Variants in PCDH17 observed in about 807,000 individuals in gnomAD.
PCDH17 encodes protocadherin-17.
A neutral mutation model predicts 67.7 loss-of-function variants in PCDH17; 21 were observed. The ratio of observed to expected loss-of-function variants is 0.31; its 90% CI spans 0.22 to 0.45. The LOEUF (loss-of-function observed/expected upper bound fraction) is 0.45. PCDH17 is among the 20% of genes least tolerant of loss of function. PCDH17 has a pLI of 1.00. For missense variants in PCDH17, 1,471 were observed against 1,564.8 expected (o/e 0.94, Z 1.01); for synonymous variants, 701 against 656.7 (o/e 1.07, Z -1.03).
chr13:57,725,587 A>G lies in PCDH17; in HGVS notation c.*293A>G. The G allele has an allele frequency of 6.2e-6, 2 of 322,956 alleles. No individual in the cohort carries two copies. Among genetic ancestry groups the G allele is most frequent in the Non-Finnish European group, 1.1e-5 (2 of 175,734 alleles). 20.0% of individuals were successfully genotyped at this position (322,956 alleles called of 1,614,324 possible). A position where few individuals can be genotyped will look rare whatever the true frequency, so the allele number is the denominator to read the frequency against. On this transcript the variant is annotated 3_prime_UTR_variant, in exon 4 of 4. Coordinates refer to ENST00000377918, the MANE Select transcript of PCDH17 (RefSeq NM_001040429.3). ...GGAGAGATGAAAAAGGAGGATGAGG[A>G]GAAGAATTACCTTTTGACAATCTGT...
intron 3 of PCDH17, among the ~76,000 whole-genome samples, chr13:57,707,296 A>C (rs1955729531): frequency 6.6e-6 from 1 of 151,528 alleles, no homozygotes; most frequent in East Asian, 2.0e-4. Context: ...GTATGTCATA[A>C]AAAAACTTTC....
intron 3 of PCDH17, among the ~76,000 whole-genome samples, chr13:57,675,810 A>G (rs1233102685): frequency 2.0e-5 from 3 of 151,912 alleles, no homozygotes; most frequent in Admixed American, 1.3e-4. Flanking sequence ...AACATTGCAA[A>G]CTTGCATTTT....
At chr13:57,705,691 T>C (rs928793831) in intron 3 of PCDH17, among the ~76,000 whole-genome samples, 1 of 151,958 alleles carries the variant, frequency 6.6e-6, no homozygotes, top group Non-Finnish European at 1.5e-5. Flanking sequence ...GTACACAAAC[T>C]GAAAAGAGAA....
intron 3 of PCDH17, among the ~76,000 whole-genome samples, chr13:57,719,413 T>A (rs145476766): frequency 6.6e-6 from 1 of 152,048 alleles, no homozygotes; most frequent in Non-Finnish European, 1.5e-5. Context: ...ATTTTGGTTT[T>A]TAAGTGTCTA....
Position 57,724,927 on chromosome 13 carries a change from G to C in PCDH17, c.3113G>C (p.Ser1038Thr), listed in dbSNP as rs1177660292. 6.2e-7 allele frequency: 1 copy of C among 1,614,132 alleles called. No individual in the cohort carries two copies. The highest frequency in any genetic ancestry group is 8.5e-7 in the Non-Finnish European group (1 of 1,179,984). The change falls in exon 4 of 4, where the codon AGC becomes ACC. Residue 1038 changes from serine (S) to threonine (T), a missense_variant. This residue lies in a region of PCDH17 where 297 missense variants were observed against 298.6 expected (regional missense o/e 0.99). Transcript: ENST00000377918. ...LLQEVPSASSSPTKACIEPCT... is the reference protein window; with the variant it reads ...LLQEVPSASSTPTKACIEPCT... ...CAAGAGGTCCCCTCAGCATCAAGCA[G>C]CCCAACCAAGGCGTGCATCGAGCCT...
chr13:57,645,511 T>A (rs1006113659), intron 1 of PCDH17, among the ~76,000 whole-genome samples: 1 of 151,564 alleles, frequency 6.6e-6, no homozygotes, highest in African/African-American at 2.4e-5. Flanking sequence ...AATAATTTAT[T>A]TGAATGTGGC....
upstream of PCDH17, among the ~76,000 whole-genome samples, chr13:57,630,817 G>C (rs1341869074): frequency 6.6e-6 from 1 of 152,192 alleles, no homozygotes; most frequent in Non-Finnish European, 1.5e-5. Flanking sequence ...AGGACCATGA[G>C]GCGAGAGTGA....
intron 3 of PCDH17, among the ~76,000 whole-genome samples, chr13:57,722,761 T>G (rs745534746): frequency 1.3e-5 from 2 of 152,002 alleles, no homozygotes; most frequent in Non-Finnish European, 2.9e-5. Context: ...ATGCACCACC[T>G]CACCTGGCTA....
chr13:57,697,669 C>T (rs1429163411), intron 3 of PCDH17, among the ~76,000 whole-genome samples: 1 of 150,970 alleles, frequency 6.6e-6, no homozygotes, highest in Non-Finnish European at 1.5e-5. Context: ...GTTAAATAAT[C>T]AAAAATGGTA....
chr13:57,693,003 A>T (rs1955573009), intron 3 of PCDH17, among the ~76,000 whole-genome samples: 1 of 150,822 alleles, frequency 6.6e-6, no homozygotes, highest in African/African-American at 2.4e-5. Flanking sequence ...TCAATTAAAG[A>T]AATAGAGACA....
At chr13:57,652,284 C>A (rs1029954755) in intron 1 of PCDH17, among the ~76,000 whole-genome samples, 1,017 of 116,970 alleles carry the variant, frequency 8.7e-3, no homozygotes, top group South Asian at 0.014. Flanking sequence ...GACTCCGTCT[C>A]AAAAAAAAAA....
rs966995426 is a variant in PCDH17 at position 57,678,838 on chromosome 13, C to T, written c.2797+12005C>T. 2.0e-5 allele frequency among the ~76,000 whole-genome samples: 3 copies of T among 151,514 alleles called. No homozygotes were observed. The East Asian group carries it at 5.8e-4, about 30-fold the overall frequency. On this transcript the variant is annotated intron_variant, in intron 3 of 3. Coordinates refer to ENST00000377918, the MANE Select transcript of PCDH17 (RefSeq NM_001040429.3). ...TAATTTTTTCTTTACTTTTCCGTCT[C>T]ATGGTTCTCATGAATTTTTGAAAAT...
chr13:57,664,852 C>T (rs986892815), intron 1 of PCDH17, among the ~76,000 whole-genome samples: 3 of 152,136 alleles, frequency 2.0e-5, no homozygotes, highest in Admixed American at 6.5e-5. Context: ...ATTTTTGCCA[C>T]TGGTGTTGAC....
At chr13:57,688,166 G>T (rs1236059174) in intron 3 of PCDH17, among the ~76,000 whole-genome samples, 1 of 151,550 alleles carries the variant, frequency 6.6e-6, no homozygotes, top group Non-Finnish European at 1.5e-5. Flanking sequence ...AATATTTGGG[G>T]CATGGTGGTG....
intron 3 of PCDH17, among the ~76,000 whole-genome samples, chr13:57,689,969 A>T (rs1020942701): frequency 2.6e-5 from 4 of 151,896 alleles, no homozygotes; most frequent in Non-Finnish European, 4.4e-5. Context: ...AGAAGTGGCA[A>T]TAGAAGCAAA....
chr13:57,713,954 G>A (rs974919608), intron 3 of PCDH17, among the ~76,000 whole-genome samples: 2 of 151,574 alleles, frequency 1.3e-5, no homozygotes, highest in South Asian at 2.1e-4. Flanking sequence ...GGATCTGTTC[G>A]TGTACACATG....
chr13:57,686,624 G>T (rs563979111), intron 3 of PCDH17, among the ~76,000 whole-genome samples: 1 of 152,032 alleles, frequency 6.6e-6, no homozygotes, highest in South Asian at 2.1e-4. Context: ...CAATTAGATG[G>T]ATATGACATC....
Position 57,633,020 on chromosome 13 carries a change from C to A in PCDH17, c.474C>A (p.Asp158Glu), listed in dbSNP as rs761524077. 6.2e-7 allele frequency: 1 copy of A among 1,612,962 alleles called. No individual in the cohort carries two copies. The highest frequency in any genetic ancestry group is 8.5e-7 in the Non-Finnish European group (1 of 1,179,978). ...GCTTCCCCCTCACCAGCGCACATGA[C>A]CCCGACGCCGGCGAGAATGGGCTCC... ...GTRFPLTSAHDPDAGENGLRT... is the reference protein window; with the variant it reads ...GTRFPLTSAHEPDAGENGLRT... Residue 158 changes from aspartate (D) to glutamate (E), a missense_variant, in exon 1 of 4, where the codon GAC (aspartate) becomes GAA (glutamate). Physicochemically the swap from Asp to Glu is conservative, Grantham distance 45. Transcript: ENST00000377918. The surrounding 1 kb of genome is among the most constrained non-coding windows in gnomAD (Gnocchi z 6.2).
At chr13:57,670,142 T>A (rs1380858205) in intron 3 of PCDH17, among the ~76,000 whole-genome samples, 1 of 152,044 alleles carries the variant, frequency 6.6e-6, no homozygotes, top group Non-Finnish European at 1.5e-5. Flanking sequence ...CAATGTTTTA[T>A]GCTATTCACG....
Sources: allele counts gnomAD v4.1 joint callset (sites outside exome capture counted in the v4.1 genomes callset), GRCh38; gene constraint gnomAD v4.1.1; regional missense constraint gnomAD v4.1.1; non-coding constraint Gnocchi (gnomAD v3.1); transcripts MANE v1.5; gene names NCBI Gene and HGNC (gene_info 2026-07-23, HGNC 2026-07-21).